ARHGAP32: variants seen among roughly 807,000 people sequenced by gnomAD.
ARHGAP32 encodes the protein Rho GTPase activating protein 32.
A neutral mutation model predicts 186.5 loss-of-function variants in ARHGAP32; 51 were observed. The observed-to-expected ratio is 0.27, with a 90% CI of 0.22 to 0.35. ARHGAP32 has a LOEUF of 0.35. ARHGAP32 is among the 10% of genes least tolerant of loss of function. The pLI is 1.00. For missense variants in ARHGAP32, 2,186 were observed against 2,623.5 expected (o/e 0.83, Z 3.64); for synonymous variants, 950 against 964.3 (o/e 0.99, Z 0.27).
At chr11:129,223,346 T>G (rs780450657) in intron 1 of ARHGAP32, among the ~76,000 whole-genome samples, 1 of 151,886 alleles carries the variant, frequency 6.6e-6, no homozygotes, top group Non-Finnish European at 1.5e-5. Flanking sequence ...AAAGCTTAGC[T>G]GTGGTACCAG....
At chr11:128,977,567 G>A (rs1371743632) in intron 19 of ARHGAP32, among the ~76,000 whole-genome samples, 1 of 151,976 alleles carries the variant, frequency 6.6e-6, no homozygotes, top group South Asian at 2.1e-4. Context: ...TGTCAGTTAG[G>A]TGAATCCCTA....
intron 1 of ARHGAP32, among the ~76,000 whole-genome samples, chr11:129,240,777 A>T (rs552545077): frequency 2.0e-4 from 30 of 152,348 alleles, no homozygotes; most frequent in Admixed American, 1.8e-3. Flanking sequence ...TTATATCATA[A>T]GAAACCACTG....
chr11:129,083,309 C>CA (rs1353250123), intron 6 of ARHGAP32, among the ~76,000 whole-genome samples: 2 of 152,132 alleles, frequency 1.3e-5, no homozygotes, highest in Middle Eastern at 3.4e-3. Flanking sequence ...TTTGCAACTG[C>CA]AAAAAATGGA....
chr11:129,119,160 T>C (rs918142262), intron 5 of ARHGAP32, among the ~76,000 whole-genome samples: 1 of 152,004 alleles, frequency 6.6e-6, no homozygotes, highest in Non-Finnish European at 1.5e-5. Flanking sequence ...TGAAGGAACA[T>C]TAGCTGTCAC....
At chr11:129,167,163 CAA>C (rs1222771762) in intron 1 of ARHGAP32, among the ~76,000 whole-genome samples, 2 of 151,962 alleles carry the variant, frequency 1.3e-5, no homozygotes, top group Non-Finnish European at 2.9e-5. Flanking sequence ...CAAATAAAAA[CAA>C]ATATTAAAAT....
chr11:129,247,780 A>G (rs1204400877), intron 1 of ARHGAP32, among the ~76,000 whole-genome samples: 1 of 152,202 alleles, frequency 6.6e-6, no homozygotes, highest in African/African-American at 2.4e-5. Flanking sequence ...TTTTCAAAGC[A>G]TTAACTACAA....
At chr11:129,041,859 T>C (rs1410338305) in intron 10 of ARHGAP32, among the ~76,000 whole-genome samples, 2 of 152,186 alleles carry the variant, frequency 1.3e-5, no homozygotes, top group Non-Finnish European at 2.9e-5. Context: ...TAGATAAAAA[T>C]ATAAATGGGC....
rs1294466766 is a variant in ARHGAP32 at position 129,065,111 on chromosome 11, CCT to C, written c.670-180_670-179del. On this transcript the variant is annotated intron_variant, in intron 7 of 22. Transcript: ENST00000682385. ...TGGGCACTTACATAGCAAGTCAGCC[CCT>C]GTCTCATGCAGAGCTTCAATTTCTA... 5.9e-5 allele frequency among the ~76,000 whole-genome samples: 9 copies of C among 152,202 alleles called. No individual in the cohort carries two copies. The South Asian group carries it at 1.0e-3, about 18-fold the overall frequency.
chr11:129,068,388 G>A (rs1209331647), intron 6 of ARHGAP32, among the ~76,000 whole-genome samples: 13 of 152,056 alleles, frequency 8.5e-5, no homozygotes, highest in Admixed American at 5.2e-4. Context: ...CTTTGCTCAA[G>A]CAAACTCCTT....
intron 1 of ARHGAP32, among the ~76,000 whole-genome samples, chr11:129,239,681 A>G (rs1199220010): frequency 6.6e-6 from 1 of 152,112 alleles, no homozygotes; most frequent in East Asian, 1.9e-4. Context: ...CACTTCCCAC[A>G]TTGCTGCTAA....
At chr11:129,192,809 A>G (rs1199684295), upstream of ARHGAP32, among the ~76,000 whole-genome samples, 1 of 152,192 alleles carries the variant, frequency 6.6e-6, no homozygotes, top group African/African-American at 2.4e-5. Context: ...ATCCAGAGTG[A>G]GACATAAAAG....
At chr11:129,069,282 T>C (rs1940795049) in intron 6 of ARHGAP32, among the ~76,000 whole-genome samples, 1 of 152,074 alleles carries the variant, frequency 6.6e-6, no homozygotes, top group African/African-American at 2.4e-5. Context: ...AATGTCCCAA[T>C]TGTGAATCCT....
chr11:129,070,397 C>T (rs1344085238), intron 6 of ARHGAP32, among the ~76,000 whole-genome samples: 2 of 151,936 alleles, frequency 1.3e-5, no homozygotes, highest in Admixed American at 6.6e-5. Flanking sequence ...GTATAGCAGG[C>T]AAATATTAGT....
chr11:129,167,739 T>C (rs76949827), intron 1 of ARHGAP32, among the ~76,000 whole-genome samples: 2 of 152,312 alleles, frequency 1.3e-5, no homozygotes, highest in Non-Finnish European at 2.9e-5. Context: ...AGAGTTCTAC[T>C]AATAGGTGAG....
intron 1 of ARHGAP32, among the ~76,000 whole-genome samples, chr11:129,207,633 T>C (rs1262847150): frequency 6.6e-6 from 1 of 152,134 alleles, no homozygotes; most frequent in African/African-American, 2.4e-5. Context: ...TGGATGTTAG[T>C]AGCCCTTTGT....
At chr11:129,216,224 C>T (rs1175256563) in intron 1 of ARHGAP32, among the ~76,000 whole-genome samples, 1 of 152,158 alleles carries the variant, frequency 6.6e-6, no homozygotes, top group Non-Finnish European at 1.5e-5. Flanking sequence ...GAGTAACATA[C>T]AGGTTCCAGG....
At chr11:129,149,406 C>T (rs1422796028) in intron 2 of ARHGAP32, among the ~76,000 whole-genome samples, 1 of 152,198 alleles carries the variant, frequency 6.6e-6, no homozygotes, top group Non-Finnish European at 1.5e-5. Context: ...CACCTCCATC[C>T]AAGCAAGTGC....
intron 5 of ARHGAP32, 33 bp from the exon 6 acceptor site, chr11:129,093,740 G>T (rs1591608331): frequency 2.1e-6 from 3 of 1,445,018 alleles, no homozygotes; most frequent in Non-Finnish European, 2.9e-6. Context: ...GAGGGGGAAA[G>T]AAAGTCATGA....
intron 1 of ARHGAP32, among the ~76,000 whole-genome samples, chr11:129,247,930 T>G (rs562149716): frequency 1.2e-4 from 19 of 152,148 alleles, no homozygotes; most frequent in Non-Finnish European, 2.4e-4. Context: ...AACTCTAAAT[T>G]TATGCAACAA....
Sources: allele counts gnomAD v4.1 joint callset (sites outside exome capture counted in the v4.1 genomes callset), GRCh38; gene constraint gnomAD v4.1.1; transcripts MANE v1.5; gene names NCBI Gene and HGNC (gene_info 2026-07-23, HGNC 2026-07-21).